Variants in DNAH7 observed in about 807,000 individuals in gnomAD.
DNAH7 encodes the protein axonemal beta dynein heavy chain 7.
Under a neutral mutation model 444.6 loss-of-function variants are expected in DNAH7, and 397 were observed. The observed-to-expected ratio is 0.89, with a 90% CI of 0.82 to 0.97. The LOEUF (loss-of-function observed/expected upper bound fraction) is 0.97. Among genes scored for constraint, DNAH7 ranks in the 50% least tolerant of loss-of-function variants. The pLI is 0.00. For synonymous variants in DNAH7, 1,636 were observed against 1,624.4 expected, an observed-to-expected ratio of 1.01 and a Z score of -0.17; for missense variants, 4,902 against 4,800.8, an observed-to-expected ratio of 1.02 and a Z score of -0.62.
chr2:195,802,567 G>A (rs1559107697), intron 54 of DNAH7, among the ~76,000 whole-genome samples: 1 of 152,018 alleles, frequency 6.6e-6, no homozygotes, highest in African/African-American at 2.4e-5. Flanking sequence ...TACTCAGGAG[G>A]CCAAGACATG....
chr2:195,918,628 CTT>C (rs1464066731), intron 24 of DNAH7, among the ~76,000 whole-genome samples: 1 of 152,132 alleles, frequency 6.6e-6, no homozygotes, highest in Non-Finnish European at 1.5e-5. Context: ...ATGGAGGAAA[CTT>C]AAATGCATAT....
intron 31 of DNAH7, among the ~76,000 whole-genome samples, chr2:195,890,983 G>A (rs573166450): frequency 9.9e-5 from 15 of 152,166 alleles, no homozygotes; most frequent in East Asian, 5.8e-4. Flanking sequence ...GCTGTCTCCC[G>A]TATAATCACA....
At chr2:195,778,677 C>CACACATATATATACACATATATATAT (rs1413109703) in intron 58 of DNAH7, among the ~76,000 whole-genome samples, 927 of 76,278 alleles carry the variant, frequency 0.012, 23 homozygotes, top group African/African-American at 0.021. Flanking sequence ...TATACACACA[C>CACACATATATATACACATATATATAT]ACACATATAT....
intron 60 of DNAH7, among the ~76,000 whole-genome samples, chr2:195,775,616 G>C (rs1695023494): frequency 7.3e-6 from 1 of 137,440 alleles, no homozygotes; most frequent in Admixed American, 7.3e-5. Flanking sequence ...GATACTTAAA[G>C]AATATATCTG....
chr2:195,752,938 G>C (rs1693872450), intron 63 of DNAH7, among the ~76,000 whole-genome samples: 3 of 152,186 alleles, frequency 2.0e-5, no homozygotes, highest in Admixed American at 1.3e-4. Flanking sequence ...TTCTTTTGAG[G>C]AATTTTGCTA....
At position 195,884,641 on chromosome 2, in the gene DNAH7, G is replaced by C; in HGVS notation, c.5707C>G (p.Leu1903Val). The C allele has an allele frequency of 6.2e-7, 1 of 1,614,170 alleles. No individual in the cohort carries two copies. Among genetic ancestry groups the C allele is most frequent in the Non-Finnish European group, 8.5e-7 (1 of 1,180,010 alleles). ...CCTTTTTCAGGAAATGGGACAGTTA[G>C]TGCCTTTGAGGATGTTTGCTCAGTA... is the stretch of plus-strand genomic sequence containing the variant. ...SGTEQTSSKA[L>V]TVPFPEKGTI... Residue 1903 changes from leucine to valine, a missense_variant, in exon 35 of 65, where the codon CTA (leucine) becomes GTA (valine). Leu to Val is a conservative substitution (Grantham distance 32, BLOSUM62 1). Transcript: ENST00000312428.
chr2:195,999,024 C>T (rs937700428), intron 12 of DNAH7: 33 of 691,582 alleles, frequency 4.8e-5, no homozygotes, highest in South Asian at 1.9e-4. Flanking sequence ...AATGAGTTTC[C>T]GGCAAGGTGG....
Position 196,012,820 on chromosome 2 carries a change from T to C in DNAH7, c.956A>G (p.His319Arg), listed in dbSNP as rs1694800345. The stretch of plus-strand genomic sequence containing the variant: ...TAGAGTCTCTTTGGCAGAGTCCATG[T>C]GTCTCATGATAATGTTCTGAAAACT... ...LSSFQNIIMR[H>R]MDSAKETLLK... Residue 319 changes from histidine (H) to arginine (R), a missense_variant, in exon 10 of 65, where the codon CAC becomes CGC. His to Arg is a conservative substitution (Grantham distance 29, BLOSUM62 0). Transcript: ENST00000312428. 1 of 1,590,892 alleles carries C rather than the reference T, an allele frequency of 6.3e-7. No individual in the cohort carries two copies. The highest frequency in any genetic ancestry group is 8.5e-7 in the Non-Finnish European group (1 of 1,169,954).
At chr2:196,044,242 C>T (rs953314956) in intron 5 of DNAH7, among the ~76,000 whole-genome samples, 1 of 151,162 alleles carries the variant, frequency 6.6e-6, no homozygotes, top group Non-Finnish European at 1.5e-5. Context: ...TACACACACA[C>T]ATACACCATG....
intron 63 of DNAH7, among the ~76,000 whole-genome samples, chr2:195,742,712 G>A (rs1693117843): frequency 6.6e-6 from 1 of 152,254 alleles, no homozygotes; most frequent in South Asian, 2.1e-4. Context: ...GTCAGCTATG[G>A]TTTTTCTAGT....
At chr2:195,771,410 G>A (rs1694833529) in intron 61 of DNAH7, among the ~76,000 whole-genome samples, 1 of 151,956 alleles carries the variant, frequency 6.6e-6, no homozygotes, top group African/African-American at 2.4e-5. Context: ...ACCACACTGT[G>A]TCTCCTTAGC....
chr2:195,844,858 A>C (rs1559138934), intron 47 of DNAH7, 144 bp downstream of exon 47: 1 of 633,268 alleles, frequency 1.6e-6, no homozygotes, highest in Non-Finnish European at 2.6e-6. Flanking sequence ...AAGAGAAGGA[A>C]GTGATTACTC....
intron 2 of DNAH7, among the ~76,000 whole-genome samples, chr2:196,056,038 A>T (rs1484324811): frequency 6.6e-6 from 1 of 152,216 alleles, no homozygotes; most frequent in Non-Finnish European, 1.5e-5. Context: ...AAGCAGCCAC[A>T]CATATGTCAG....
intron 1 of DNAH7, among the ~76,000 whole-genome samples, chr2:196,059,198 G>C (rs1010230442): frequency 6.6e-6 from 1 of 152,044 alleles, no homozygotes; most frequent in Admixed American, 6.6e-5. Flanking sequence ...TACTTCCTAA[G>C]GTGAATATGT....
intron 57 of DNAH7, among the ~76,000 whole-genome samples, chr2:195,791,454 G>T (rs1376743573): frequency 1.3e-5 from 2 of 151,564 alleles, no homozygotes; most frequent in African/African-American, 4.8e-5. Context: ...ATACACTGTT[G>T]GTAGGAATGT....
intron 46 of DNAH7, among the ~76,000 whole-genome samples, chr2:195,852,750 G>A (rs566418094): frequency 3.9e-5 from 6 of 152,260 alleles, no homozygotes; most frequent in African/African-American, 4.8e-5. Flanking sequence ...GGCAGGGAAC[G>A]TGGGGTTTGT....
chr2:195,851,551 T>G (rs1213180939), intron 46 of DNAH7, among the ~76,000 whole-genome samples: 8 of 152,188 alleles, frequency 5.3e-5, no homozygotes, highest in African/African-American at 1.7e-4. Context: ...TAAGGCACCC[T>G]TGAAGCATTT....
chr2:195,963,366 G>A (rs1691243286), intron 17 of DNAH7, among the ~76,000 whole-genome samples: 1 of 152,144 alleles, frequency 6.6e-6, no homozygotes, highest in South Asian at 2.1e-4. Flanking sequence ...AATCAATGAT[G>A]TTGAACACCT....
intron 63 of DNAH7, among the ~76,000 whole-genome samples, chr2:195,749,869 T>G (rs1022499500): frequency 1.3e-5 from 2 of 150,782 alleles, no homozygotes; most frequent in African/African-American, 2.4e-5. Context: ...CTTTAGGAGA[T>G]ATACCTAATG....
Sources: allele counts gnomAD v4.1 joint callset (sites outside exome capture counted in the v4.1 genomes callset), GRCh38; gene constraint gnomAD v4.1.1; transcripts MANE v1.5; gene names NCBI Gene and HGNC (gene_info 2026-07-23, HGNC 2026-07-21).